The following TDRP variants were observed in gnomAD, a reference collection of about 807,000 sequenced individuals.
The protein encoded by TDRP is testis development related protein, also known as testis development-related protein.
Under a neutral mutation model 10.5 loss-of-function variants are expected in TDRP, and 12 were observed. The ratio of observed to expected loss-of-function variants is 1.15; its 90% CI spans 0.73 to 1.86. The LOEUF (loss-of-function observed/expected upper bound fraction) is 1.86, where lower values mean the gene tolerates loss of function less well. Ranked by LOEUF, TDRP falls within the 40% of genes most tolerant of loss-of-function variation. The pLI, the probability that TDRP is intolerant of heterozygous loss-of-function variation, is 0.00. For missense variants in TDRP, 353 were observed against 229.2 expected (o/e 1.54, Z -3.49); for synonymous variants, 139 against 95.4 (o/e 1.46, Z -2.67).
intron 1 of TDRP, among the ~76,000 whole-genome samples, chr8:530,900 T>G (rs1207318614): frequency 1.3e-5 from 2 of 152,202 alleles, no homozygotes; most frequent in Admixed American, 1.3e-4. Context: ...TGTGCTGAGC[T>G]GTCCCGACCT....
intron 1 of TDRP, among the ~76,000 whole-genome samples, 164 bp downstream of exon 1, chr8:544,486 G>C (rs1214902494): frequency 6.6e-6 from 1 of 152,026 alleles, no homozygotes; most frequent in African/African-American, 2.4e-5. Flanking sequence ...CTCCGCACTC[G>C]GGCACCTAGC....
At chr8:528,494 G>A (rs1802095894) in intron 1 of TDRP, among the ~76,000 whole-genome samples, 1 of 139,480 alleles carries the variant, frequency 7.2e-6, no homozygotes, top group Non-Finnish European at 1.6e-5. Flanking sequence ...CAACAGCCAA[G>A]ATTTGGAAGC....
intron 1 of TDRP, among the ~76,000 whole-genome samples, chr8:540,612 A>G (rs1021381501): frequency 2.0e-5 from 3 of 152,204 alleles, no homozygotes; most frequent in Admixed American, 6.5e-5. Context: ...CCTTGCGGTT[A>G]TATGTTAATA....
intron 1 of TDRP, among the ~76,000 whole-genome samples, chr8:507,411 C>T (rs973286553): frequency 6.6e-6 from 1 of 152,158 alleles, no homozygotes; most frequent in Non-Finnish European, 1.5e-5. Flanking sequence ...CAAGCAGGGA[C>T]CTCAAACTGT....
At chr8:541,421 T>C (rs771303743) in intron 1 of TDRP, among the ~76,000 whole-genome samples, 1 of 152,198 alleles carries the variant, frequency 6.6e-6, no homozygotes, top group Non-Finnish European at 1.5e-5. Context: ...TGAAGCTTCA[T>C]TAAAATTAAA....
Position 498,843 on chromosome 8 carries a change from C to T in TDRP, c.109-4246G>A, listed in dbSNP as rs139778517. Among the ~76,000 whole-genome samples, 746 of 151,862 alleles carry T rather than the reference C, an allele frequency of 4.9e-3. 6 individuals carry two copies. Among genetic ancestry groups the T allele is most frequent in the African/African-American group, 0.017 (720 of 41,284 alleles). ...CTTGCTGTTCTTGTGATAGTGAGTT[C>T]TCACAAGATCTGATCATTTAAAAGT... is the stretch of plus-strand genomic sequence containing the variant. On this transcript the variant is annotated intron_variant, in intron 1 of 2. Coordinates refer to ENST00000324079, the MANE Select transcript of TDRP (RefSeq NM_001384899.1).
intron 1 of TDRP, among the ~76,000 whole-genome samples, chr8:506,463 C>A (rs561362219): frequency 1.3e-5 from 2 of 152,288 alleles, no homozygotes; most frequent in South Asian, 4.1e-4. Flanking sequence ...CTGTGGCTGA[C>A]ACTAAGCCGC....
intron 1 of TDRP, among the ~76,000 whole-genome samples, chr8:509,837 C>T (rs1045690331): frequency 1.3e-5 from 2 of 152,182 alleles, no homozygotes; most frequent in Non-Finnish European, 2.9e-5. Flanking sequence ...AACTTTGACG[C>T]CTGTTTCCCT....
At chr8:540,806 TAAAAAAAAA>T in intron 1 of TDRP, among the ~76,000 whole-genome samples, 1 of 125,008 alleles carries the variant, frequency 8.0e-6, no homozygotes, top group East Asian at 2.3e-4. Context: ...CTTTTTCACG[TAAAAAAAAA>T]AAAAAAAAAA....
At chr8:540,042 A>G (rs1802452001) in intron 1 of TDRP, among the ~76,000 whole-genome samples, 1 of 152,206 alleles carries the variant, frequency 6.6e-6, no homozygotes, top group Non-Finnish European at 1.5e-5. Flanking sequence ...TCCCTATGCA[A>G]TCCAGTTTAG....
At chr8:521,951 C>T (rs550590112) in intron 1 of TDRP, among the ~76,000 whole-genome samples, 2 of 152,080 alleles carry the variant, frequency 1.3e-5, no homozygotes, top group Admixed American at 1.3e-4. Flanking sequence ...TTTCTAAGTA[C>T]CTTTTTTCTT....
intron 1 of TDRP, among the ~76,000 whole-genome samples, chr8:513,349 A>G (rs945983340): frequency 1.2e-4 from 18 of 152,204 alleles, no homozygotes; most frequent in African/African-American, 3.6e-4. Flanking sequence ...TCAGGAAAGA[A>G]AGGTTAGCTC....
chr8:542,957 G>A (rs1028158638), intron 1 of TDRP, among the ~76,000 whole-genome samples: 3 of 151,652 alleles, frequency 2.0e-5, no homozygotes, highest in African/African-American at 7.3e-5. Context: ...CTAGCTGGAG[G>A]ATACGAGGAA....
rs565202261 is a variant in TDRP at position 497,638 on chromosome 8, A to G, written c.109-3041T>C. Among the ~76,000 whole-genome samples the G allele has an allele frequency of 4.6e-5, 7 of 152,374 alleles. No individual in the cohort carries two copies. In the East Asian group the frequency reaches 1.4e-3, roughly 29 times the overall value. ...TTTCTGGGAAGAAATTCAAGCTGCC[A>G]GCTGCAAAAATTTGCATAAGTAAAG... is the stretch of plus-strand genomic sequence containing the variant. On this transcript the variant is annotated intron_variant, in intron 1 of 2. Transcript: ENST00000324079.
intron 1 of TDRP, among the ~76,000 whole-genome samples, chr8:544,095 C>G (rs531770856): frequency 4.6e-5 from 7 of 152,162 alleles, no homozygotes; most frequent in Non-Finnish European, 8.8e-5. Context: ...TCAGAAAAAT[C>G]AAGAATTTAA....
intron 1 of TDRP, among the ~76,000 whole-genome samples, chr8:537,448 T>G (rs1802376298): frequency 6.6e-6 from 1 of 152,192 alleles, no homozygotes; most frequent in Admixed American, 6.5e-5. Flanking sequence ...TTTCTATTAT[T>G]TAATAACAAG....
intron 1 of TDRP, among the ~76,000 whole-genome samples, chr8:543,743 G>A (rs73529983): frequency 1.4e-3 from 216 of 152,258 alleles, no homozygotes; most frequent in African/African-American, 4.9e-3. Context: ...AAACTCTTCT[G>A]CTCAGAAACT....
chr8:524,251 CT>C (rs985375315), intron 1 of TDRP, among the ~76,000 whole-genome samples: 3 of 152,170 alleles, frequency 2.0e-5, no homozygotes, highest in Non-Finnish European at 2.9e-5. Context: ...TGGGGTGCCC[CT>C]AATACAGTGA....
chr8:503,253 G>T (rs997648166), intron 1 of TDRP, among the ~76,000 whole-genome samples: 8 of 150,074 alleles, frequency 5.3e-5, no homozygotes, highest in African/African-American at 2.0e-4. Context: ...CACCAACATG[G>T]AATCCAGAGC....
Sources: gnomAD v4.1 joint callset for allele counts (sites outside exome capture counted in the v4.1 genomes callset) on GRCh38, gnomAD v4.1.1 for gene constraint, MANE v1.5 for transcripts, NCBI Gene and HGNC (gene_info 2026-07-23, HGNC 2026-07-21) for gene names.